VTCN1: variants seen among roughly 807,000 people sequenced by gnomAD.
VTCN1 encodes V-set domain containing T cell activation inhibitor 1, also known as V-set domain-containing T-cell activation inhibitor 1.
VTCN1 carries 26 observed loss-of-function variants against 26.5 expected under a neutral mutation model. The ratio of observed to expected loss-of-function variants is 0.98; its 90% confidence interval spans 0.72 to 1.36. VTCN1 has a LOEUF of 1.36. VTCN1 is among the 40% of genes most tolerant of loss of function. The probability of loss-of-function intolerance (pLI) is 0.00; values close to 1 mark genes in which losing one functional copy is unlikely to be tolerated. For synonymous variants in VTCN1, 116 were observed against 130.7 expected, an observed-to-expected ratio of 0.89 and a Z score of 0.77; for missense variants, 298 against 337.7, an observed-to-expected ratio of 0.88 and a Z score of 0.92.
chr1:117,189,549 G>A (rs17036925), intron 1 of VTCN1, among the ~76,000 whole-genome samples: 20,911 of 152,118 alleles, frequency 0.14, 1,525 homozygotes, highest in African/African-American at 0.18. Flanking sequence ...CTGCAGAGGT[G>A]GACTTTCTTC....
Position 117,167,308 on chromosome 1 carries a change from A to C in VTCN1, c.97+2799T>G, listed in dbSNP as rs565994478. ...AACCATCATCACACCAAGAAATAGA[A>C]CCTTACTGCCCTCCCAGCAGTGCCC... On this transcript the variant is annotated intron_variant, in intron 2 of 5. Transcript: ENST00000369458. This position sits in a 1 kb window ranked among gnomAD's most constrained non-coding sequence, Gnocchi z 4.1. 2.6e-3 allele frequency among the ~76,000 whole-genome samples: 395 copies of C among 152,088 alleles called. 2 individuals are homozygous for C. The highest frequency in any genetic ancestry group is 2.9e-3 in the Non-Finnish European group (197 of 67,978).
chr1:117,205,015 T>C (rs1485273279), intron 1 of VTCN1, among the ~76,000 whole-genome samples: 3 of 150,038 alleles, frequency 2.0e-5, no homozygotes, highest in African/African-American at 7.5e-5. Flanking sequence ...TATATATGCG[T>C]ATATATACAC....
intron 1 of VTCN1, among the ~76,000 whole-genome samples, chr1:117,174,283 G>C (rs1653083292): frequency 6.6e-6 from 1 of 152,144 alleles, no homozygotes; most frequent in African/African-American, 2.4e-5. Context: ...TGCTTTTGGA[G>C]GACTTGCTCA....
rs1042102232 is a variant in VTCN1, at chr1:117,159,663, A to G, written c.98-2742T>C. On this transcript the variant is annotated intron_variant, in intron 2 of 5. Transcript: ENST00000369458. The surrounding 1 kb of genome is among the most constrained non-coding windows in gnomAD (Gnocchi z 4.7). ...GTATTGTTATTCTCAGTTAACCAGA[A>G]GTAGCACAGAAGTGAAATCTCATGT... is the stretch of plus-strand genomic sequence containing the variant. Among the ~76,000 whole-genome samples the G allele has an allele frequency of 2.0e-5, 3 of 152,244 alleles. No individual in the cohort carries two copies. The highest frequency in any genetic ancestry group is 4.4e-5 in the Non-Finnish European group (3 of 68,042).
chr1:117,173,883 C>T (rs1327916197), intron 1 of VTCN1, among the ~76,000 whole-genome samples: 1 of 152,184 alleles, frequency 6.6e-6, no homozygotes, highest in Non-Finnish European at 1.5e-5. Context: ...TCCATCACAC[C>T]AGGCCCACGT....
rs1651465652 is a variant in VTCN1, at chr1:117,145,627, A to G, written c.*46-402T>C. On this transcript the variant is annotated intron_variant, in intron 5 of 5. Coordinates refer to ENST00000369458, the MANE Select transcript of VTCN1 (RefSeq NM_024626.4). This position sits in a 1 kb window ranked among gnomAD's most constrained non-coding sequence, Gnocchi z 4.6. ...GTGTGTCTCAAATAATGTTCTATTC[A>G]TTTACTTTTATCATTATTTTTTTGA... Among the ~76,000 whole-genome samples the G allele has an allele frequency of 1.3e-5, 2 of 151,974 alleles. No homozygotes were observed. The highest frequency in any genetic ancestry group is 4.8e-5 in the African/African-American group (2 of 41,378).
At chr1:117,160,591 T>C (rs1244560032) in intron 2 of VTCN1, among the ~76,000 whole-genome samples, 1 of 152,244 alleles carries the variant, frequency 6.6e-6, no homozygotes, top group African/African-American at 2.4e-5. Flanking sequence ...CCATACATAT[T>C]AGCCCTTATT....
chr1:117,170,393 C>G (rs541274940), intron 1 of VTCN1: 11 of 630,308 alleles, frequency 1.7e-5, no homozygotes, highest in Non-Finnish European at 2.7e-5. Context: ...AAAGAGTGAC[C>G]CTTGCCTCTG....
At position 117,153,280 on chromosome 1, in the gene VTCN1, C is replaced by T. The variant is rs780991131; in HGVS notation, c.535G>A (p.Val179Met). 2 of 1,614,012 alleles carry T rather than the reference C, an allele frequency of 1.2e-6. No homozygotes were observed. Among genetic ancestry groups the T allele is most frequent in the African/African-American group, 2.7e-5 (2 of 74,904 alleles). Reference protein sequence around the residue: ...EAPRWFPQPTVVWASQVDQGA... With the variant: ...EAPRWFPQPTMVWASQVDQGA... ...TGGTCAACTTGGGATGCCCAGACCACTGTGGGCTGGGGGAACCATCGGGGA... is the reference window on the plus strand; with the variant it reads ...TGGTCAACTTGGGATGCCCAGACCATTGTGGGCTGGGGGAACCATCGGGGA... The change falls in exon 4 of 6, where the codon GTG (valine) becomes ATG (methionine). Residue 179 changes from valine (V) to methionine (M), a missense_variant. Physicochemically the swap from Val to Met is conservative, Grantham distance 21. Transcript: ENST00000369458.
At chr1:117,178,610 T>TTTC (rs60314298) in intron 1 of VTCN1, among the ~76,000 whole-genome samples, 1 of 149,038 alleles carries the variant, frequency 6.7e-6, no homozygotes, top group East Asian at 2.0e-4. Context: ...TTTTTTTTTT[T>TTTC]AGAGACAGGG....
chr1:117,203,180 G>A (rs1490799947), intron 1 of VTCN1, among the ~76,000 whole-genome samples: 2 of 152,022 alleles, frequency 1.3e-5, no homozygotes, highest in Non-Finnish European at 1.5e-5. Context: ...AGATGAAGGA[G>A]TACCTGTCTG....
chr1:117,173,065 C>T (rs558395284), intron 1 of VTCN1: 29 of 688,864 alleles, frequency 4.2e-5, no homozygotes, highest in African/African-American at 7.1e-5. Flanking sequence ...AGCTGTAACA[C>T]TTACCGTGAA....
At chr1:117,198,304 C>G (rs564675478) in intron 1 of VTCN1, among the ~76,000 whole-genome samples, 16 of 152,286 alleles carry the variant, frequency 1.1e-4, no homozygotes, top group South Asian at 6.2e-4. Flanking sequence ...GAATGACAGA[C>G]AGCCCTATTA....
chr1:117,160,902 G>A (rs1291046782), intron 2 of VTCN1, among the ~76,000 whole-genome samples: 7 of 152,194 alleles, frequency 4.6e-5, no homozygotes, highest in Non-Finnish European at 1.0e-4. Context: ...AATCTAGATG[G>A]ATTTGCAGCA....
rs180883354 is a variant in VTCN1 at position 117,173,226 on chromosome 1, A to G, written c.33-3055T>C. The G allele has an allele frequency of 5.9e-5, 42 of 714,600 alleles. No individual in the cohort carries two copies. In the East Asian group the frequency reaches 1.1e-3, roughly 18 times the overall value. The allele number at this position is 714,600 out of a possible 1,614,324, so 44.3% of individuals were successfully genotyped here. On this transcript the variant is annotated intron_variant, in intron 1 of 5. Transcript: ENST00000369458. ...CTTCATTCTTGAAGTCAGCAAGACC[A>G]TGAACCCACCAGAAGGAATAAATTC...
intron 4 of VTCN1, among the ~76,000 whole-genome samples, chr1:117,148,792 TTA>T (rs1050403051): frequency 1.1e-4 from 16 of 152,130 alleles, no homozygotes; most frequent in African/African-American, 3.6e-4. Context: ...TGAAAATATG[TTA>T]ATAGAGAATG....
At chr1:117,193,917 C>G (rs1478005127) in intron 1 of VTCN1, among the ~76,000 whole-genome samples, 1 of 151,928 alleles carries the variant, frequency 6.6e-6, no homozygotes, top group African/African-American at 2.4e-5. Context: ...CTCAAACTAC[C>G]AGAAGAAAAT....
chr1:117,185,081 C>T (rs940036975), intron 1 of VTCN1, among the ~76,000 whole-genome samples: 2 of 152,180 alleles, frequency 1.3e-5, no homozygotes, highest in Non-Finnish European at 2.9e-5. Context: ...AAATAACTAG[C>T]ACCGTTAGTT....
rs537924035 is a variant in VTCN1 at position 117,170,187 on chromosome 1, G to C, written c.33-16C>G. On this transcript the variant is annotated splice_polypyrimidine_tract_variant and intron_variant, in intron 1 of 5. Coordinates refer to ENST00000369458, the MANE Select transcript of VTCN1 (RefSeq NM_024626.4). ...GCTAATTATGCTACGGGAAGAGAGA[G>C]AGAAACAGAAAATTAGTTCTCCATT... 1.3e-4 allele frequency: 213 copies of C among 1,612,346 alleles called. 1 individual carries two copies. Among genetic ancestry groups the C allele is most frequent in the Non-Finnish European group, 1.7e-4 (197 of 1,179,236 alleles).
Sources: allele counts gnomAD v4.1 joint callset (sites outside exome capture counted in the v4.1 genomes callset), GRCh38; gene constraint gnomAD v4.1.1; non-coding constraint Gnocchi (gnomAD v3.1); transcripts MANE v1.5; gene names NCBI Gene and HGNC (gene_info 2026-07-23, HGNC 2026-07-21).